PRDX1: variants seen among roughly 807,000 people sequenced by gnomAD.
The protein encoded by PRDX1 is peroxiredoxin 1.
A neutral mutation model predicts 20.7 loss-of-function variants in PRDX1; 19 were observed. That is an observed-to-expected ratio of 0.92 (90% CI 0.64 to 1.35). The LOEUF (loss-of-function observed/expected upper bound fraction) is 1.35, where lower values mean the gene tolerates loss of function less well. Ranked by LOEUF, PRDX1 falls within the 40% of genes most tolerant of loss-of-function variation. PRDX1 has a pLI of 0.00. For synonymous variants in PRDX1, 89 were observed against 83.9 expected, an observed-to-expected ratio of 1.06 and a Z score of -0.33; for missense variants, 226 against 240.0, an observed-to-expected ratio of 0.94 and a Z score of 0.38.
intron 1 of PRDX1, 121 bp downstream of exon 1, chr1:45,521,708 C>T (rs1480190318): frequency 6.6e-6 from 1 of 152,476 alleles, no homozygotes; most frequent in Non-Finnish European, 1.5e-5. Flanking sequence ...CCCCGGCTGC[C>T]TCACGCATCA....
chr1:45,515,121 CA>C (rs1357891309), intron 3 of PRDX1, 126 bp from the exon 4 acceptor site: 1 of 1,357,044 alleles, frequency 7.4e-7, no homozygotes, highest in African/African-American at 1.5e-5. Flanking sequence ...CGTTTTCCAG[CA>C]ATAAAGTGAA....
intron 5 of PRDX1, chr1:45,511,617 A>G: frequency 2.4e-6 from 1 of 408,580 alleles, no homozygotes; most frequent in Non-Finnish European, 4.3e-6. Flanking sequence ...AGATACTATC[A>G]TGCCTAATTT....
Position 45,511,169 on chromosome 1 carries a change from G to C in PRDX1, c.*160C>G, listed in dbSNP as rs1643735873. The C allele has an allele frequency of 8.0e-5, 49 of 612,994 alleles. 1 individual carries two copies. The South Asian group carries it at 1.2e-3, about 15-fold the overall frequency. 38.0% of individuals were successfully genotyped at this position (612,994 alleles called of 1,614,324 possible). A position where few individuals can be genotyped will look rare whatever the true frequency, so the allele number is the denominator to read the frequency against. ...AGGCCATTCCTACCAAAGGAAGAAA[G>C]GCTGGTCTCTCCACCCCCTGTAGGA... On this transcript the variant is annotated 3_prime_UTR_variant, in exon 6 of 6. Coordinates refer to ENST00000319248, the MANE Select transcript of PRDX1 (RefSeq NM_181697.3).
At chr1:45,512,459 AG>A (rs1643772400) in intron 5 of PRDX1, 1 of 148,476 alleles carries the variant, frequency 6.7e-6, no homozygotes, top group African/African-American at 2.5e-5. Context: ...ACTTGAACCC[AG>A]GAGGTGGAGG....
intron 2 of PRDX1, among the ~76,000 whole-genome samples, chr1:45,516,496 A>C (rs1216864771): frequency 6.6e-6 from 1 of 152,126 alleles, no homozygotes; most frequent in East Asian, 1.9e-4. Context: ...ACAGAGAGAG[A>C]GAGAGAAAGA....
intron 1 of PRDX1, among the ~76,000 whole-genome samples, chr1:45,519,955 C>T (rs1643893200): frequency 6.6e-6 from 1 of 152,040 alleles, no homozygotes; most frequent in Non-Finnish European, 1.5e-5. Flanking sequence ...ACCTGTAATC[C>T]CAGCACTTTG....
At chr1:45,514,229 C>G (rs1643814847) in intron 5 of PRDX1, among the ~76,000 whole-genome samples, 1 of 151,840 alleles carries the variant, frequency 6.6e-6, no homozygotes, top group South Asian at 2.1e-4. Flanking sequence ...ATCTGCTGAC[C>G]TTCTCTCCAC....
At position 45,511,251 on chromosome 1, in the gene PRDX1, T is replaced by C. The variant is rs1643737467; in HGVS notation, c.*78A>G. 2 of 1,249,254 alleles carry C rather than the reference T, an allele frequency of 1.6e-6. No individual in the cohort carries two copies. The highest frequency in any genetic ancestry group is 1.5e-5 in the African/African-American group (1 of 65,274). 77.4% of individuals were successfully genotyped at this position (1,249,254 alleles called of 1,614,324 possible). ...CTGAATCTGAAGTCTTGTGTTTTAC[T>C]AATGGAAAAAAAAAATACAGAAGAG... On this transcript the variant is annotated 3_prime_UTR_variant, in exon 6 of 6. Transcript: ENST00000319248.
Position 45,511,308 on chromosome 1 carries a change from G to C in PRDX1, c.*21C>G, listed in dbSNP as rs1643738831. On this transcript the variant is annotated 3_prime_UTR_variant, in exon 6 of 6. Transcript: ENST00000319248. The stretch of plus-strand genomic sequence containing the variant: ...TTCTCATGGCTGCCCACCGCAGCCT[G>C]GCACTAAAACAGCCCAGCGCTCACT... 2 of 1,578,188 alleles carry C rather than the reference G, an allele frequency of 1.3e-6. No homozygotes were observed. The highest frequency in any genetic ancestry group is 2.7e-5 in the African/African-American group (2 of 73,220).
intron 2 of PRDX1, among the ~76,000 whole-genome samples, chr1:45,517,038 A>G (rs1337612498): frequency 6.6e-6 from 1 of 151,120 alleles, no homozygotes; most frequent in African/African-American, 2.4e-5. Flanking sequence ...AAAAAAAAAA[A>G]GCCAAACAAG....
At chr1:45,514,790 C>T in intron 4 of PRDX1, 83 bp downstream of exon 4, 3 of 1,582,530 alleles carry the variant, frequency 1.9e-6, no homozygotes, top group Non-Finnish European at 1.7e-6. Flanking sequence ...AATGAAATGA[C>T]AAGGAGTCTC....
chr1:45,515,932 C>T, intron 2 of PRDX1, 125 bp from the exon 3 acceptor site: 1 of 937,662 alleles, frequency 1.1e-6, no homozygotes, highest in Non-Finnish European at 1.5e-6. Context: ...ATGCTCAATA[C>T]AGATGTCTCC....
intron 2 of PRDX1, among the ~76,000 whole-genome samples, chr1:45,516,602 T>C (rs1643864064): frequency 6.6e-6 from 1 of 152,152 alleles, no homozygotes; most frequent in African/African-American, 2.4e-5. Flanking sequence ...ACCACTGAAA[T>C]AACAGATCTT....
At chr1:45,515,967 G>A (rs1643855753) in intron 2 of PRDX1, among the ~76,000 whole-genome samples, 160 bp from the exon 3 acceptor site, 2 of 152,316 alleles carry the variant, frequency 1.3e-5, no homozygotes, top group South Asian at 4.1e-4. Context: ...AGAACCTGGT[G>A]CATTAGGAAT....
At chr1:45,514,764 G>A in intron 4 of PRDX1, 109 bp downstream of exon 4, 1 of 1,569,088 alleles carries the variant, frequency 6.4e-7, no homozygotes, top group Non-Finnish European at 8.7e-7. Context: ...TTAGTGAGGA[G>A]GCCCCTGCAT....
chr1:45,511,417 G>A lies in PRDX1; in HGVS notation c.515-3C>T, dbSNP rs755097482. The A allele has an allele frequency of 7.4e-6, 12 of 1,610,820 alleles. No homozygotes were observed. In the South Asian group the frequency reaches 1.1e-4, roughly 15 times the overall value. On this transcript the variant is annotated splice_region_variant and splice_polypyrimidine_tract_variant and intron_variant, in intron 5 of 5. Transcript: ENST00000319248. Reference sequence around the variant, plus strand: ...AGGTTTCCAGCCAGCTGGGCACACTGCAAGAGAAAGGCACCACTAATTAAT... The same window carrying A: ...AGGTTTCCAGCCAGCTGGGCACACTACAAGAGAAAGGCACCACTAATTAAT...
Position 45,519,002 on chromosome 1 carries a change from G to A in PRDX1, c.42C>T (p.Asn14=). 1 of 1,602,982 alleles carries A rather than the reference G, an allele frequency of 6.2e-7. No individual in the cohort carries two copies. Residue 14 remains asparagine (N), a synonymous_variant, in exon 2 of 6, where the codon AAC becomes AAT. Transcript: ENST00000319248. ...GNAKIGHPAP[N]FKATAVMPDG... ...CTGGCATAACAGCTGTGGCTTTGAA[G>A]TTGGGGGCAGGGTGCCCAATTTTAG...
chr1:45,520,583 G>A (rs1570856051), intron 1 of PRDX1, among the ~76,000 whole-genome samples: 1 of 152,082 alleles, frequency 6.6e-6, no homozygotes. Context: ...AATTAGCCGG[G>A]GGTGGTGGCA....
chr1:45,511,942 CAG>C (rs1297673692), intron 5 of PRDX1: 1 of 152,300 alleles, frequency 6.6e-6, no homozygotes, highest in East Asian at 1.9e-4. Flanking sequence ...AAGCAAAAGG[CAG>C]AGTTTGAAAT....
Sources: allele counts gnomAD v4.1 joint callset (sites outside exome capture counted in the v4.1 genomes callset), GRCh38; gene constraint gnomAD v4.1.1; transcripts MANE v1.5; gene names NCBI Gene and HGNC (gene_info 2026-07-23, HGNC 2026-07-21).